THEMIS: variants seen among roughly 807,000 people sequenced by gnomAD.
THEMIS encodes the protein protein THEMIS.
THEMIS carries 37 observed loss-of-function variants against 52.6 expected under a neutral mutation model. The observed-to-expected ratio is 0.70, with a 90% CI of 0.54 to 0.93. The LOEUF is 0.93. THEMIS is among the 40% of genes least tolerant of loss of function. The pLI is 0.00. For missense variants in THEMIS, 808 were observed against 763.1 expected (o/e 1.06, Z -0.69); for synonymous variants, 292 against 272.7 (o/e 1.07, Z -0.70).
the THEMIS span, among the ~76,000 whole-genome samples, chr6:127,698,991 A>T: frequency 1.3e-5 from 2 of 151,732 alleles, no homozygotes; most frequent in African/African-American, 2.4e-5. Context: ...CAGCTGATAC[A>T]TTTTTTTTAA....
intron 1 of THEMIS, among the ~76,000 whole-genome samples, chr6:127,883,327 A>G (rs892511259): frequency 6.6e-6 from 1 of 151,844 alleles, no homozygotes; most frequent in African/African-American, 2.4e-5. Context: ...GACAAACAGG[A>G]GACCCTAAAA....
chr6:127,819,042 C>T (rs1252477325), intron 3 of THEMIS, among the ~76,000 whole-genome samples: 1 of 135,074 alleles, frequency 7.4e-6, no homozygotes. Context: ...ATTGCCTGAA[C>T]CCGGGAGGTG....
chr6:127,749,884 G>A (rs1306991804), intron 4 of THEMIS, among the ~76,000 whole-genome samples: 1 of 150,848 alleles, frequency 6.6e-6, no homozygotes, highest in Non-Finnish European at 1.5e-5. Context: ...ATAGAATATA[G>A]GAGTAGATTA....
At chr6:127,713,548 G>C (rs1774055325) in intron 5 of THEMIS, among the ~76,000 whole-genome samples, 1 of 151,828 alleles carries the variant, frequency 6.6e-6, no homozygotes, top group African/African-American at 2.4e-5. Flanking sequence ...AAATAAAAAG[G>C]ACACTGCAAA....
Position 127,855,203 on chromosome 6 carries a change from A to T in THEMIS, c.92-15T>A, listed in dbSNP as rs1429247965. On this transcript the variant is annotated splice_polypyrimidine_tract_variant and intron_variant, in intron 1 of 5. Coordinates refer to ENST00000368248, the MANE Select transcript of THEMIS (RefSeq NM_001010923.3). Reference sequence around the variant, plus strand: ...ATAAATAGAGCCTAAAAGGAAAGAAAAGTTAAAACAGCTTTTTAAAAAGAA... The same window carrying T: ...ATAAATAGAGCCTAAAAGGAAAGAATAGTTAAAACAGCTTTTTAAAAAGAA... 6.4e-7 allele frequency: 1 copy of T among 1,567,936 alleles called. No individual in the cohort carries two copies. The highest frequency in any genetic ancestry group is 1.4e-5 in the African/African-American group (1 of 72,262).
chr6:127,879,090 A>G (rs1780399485), intron 1 of THEMIS, among the ~76,000 whole-genome samples: 1 of 152,234 alleles, frequency 6.6e-6, no homozygotes, highest in African/African-American at 2.4e-5. Context: ...ATGTCAATTT[A>G]GGAAAAAAAA....
chr6:127,734,152 A>G (rs1355804155), intron 4 of THEMIS, among the ~76,000 whole-genome samples: 2 of 152,224 alleles, frequency 1.3e-5, no homozygotes, highest in Non-Finnish European at 2.9e-5. Flanking sequence ...ATTTTAAAAG[A>G]TCAACAATTG....
chr6:127,757,272 G>A (rs1775859638), intron 4 of THEMIS, among the ~76,000 whole-genome samples: 1 of 152,106 alleles, frequency 6.6e-6, no homozygotes, highest in East Asian at 1.9e-4. Context: ...ATGTATCTAA[G>A]CCTTGGGTAA....
intron 4 of THEMIS, among the ~76,000 whole-genome samples, chr6:127,728,955 T>C (rs1333193750): frequency 6.6e-6 from 1 of 152,210 alleles, no homozygotes; most frequent in Non-Finnish European, 1.5e-5. Flanking sequence ...TTTGATTACA[T>C]TTGTATCTTC....
chr6:127,730,560 T>C (rs773812892), intron 4 of THEMIS, among the ~76,000 whole-genome samples: 3 of 151,930 alleles, frequency 2.0e-5, no homozygotes, highest in Non-Finnish European at 4.4e-5. Context: ...TGAGATAATA[T>C]ATTTAATCAT....
Position 127,709,937 on chromosome 6 carries a change from C to T in THEMIS, c.*48G>A. ...CAGCTAGAAGGCTAGCTTCTTTTTTCACTGCAACATTTATGTTTGCTGCCT... is the reference window on the plus strand; with the variant it reads ...CAGCTAGAAGGCTAGCTTCTTTTTTTACTGCAACATTTATGTTTGCTGCCT... On this transcript the variant is annotated 3_prime_UTR_variant, in exon 6 of 6. Transcript: ENST00000368248. The T allele has an allele frequency of 6.5e-7, 1 of 1,548,312 alleles. No individual in the cohort carries two copies. The highest frequency in any genetic ancestry group is 8.8e-7 in the Non-Finnish European group (1 of 1,142,676).
intron 4 of THEMIS, among the ~76,000 whole-genome samples, chr6:127,724,894 A>T (rs1042702786): frequency 6.6e-6 from 1 of 152,078 alleles, no homozygotes; most frequent in Non-Finnish European, 1.5e-5. Flanking sequence ...TCTCATACCT[A>T]AGGCCATGCC....
intron 4 of THEMIS, among the ~76,000 whole-genome samples, chr6:127,808,941 A>C (rs1777810538): frequency 6.6e-6 from 1 of 152,204 alleles, no homozygotes; most frequent in South Asian, 2.1e-4. Context: ...CTATAGGTTA[A>C]TTTGGCTAAT....
intron 4 of THEMIS, among the ~76,000 whole-genome samples, chr6:127,731,460 A>T (rs2114525125): frequency 6.6e-6 from 1 of 152,240 alleles, no homozygotes; most frequent in East Asian, 1.9e-4. Flanking sequence ...CATACAAACT[A>T]TAATAACAGC....
chr6:127,781,488 T>C (rs1470251945), intron 4 of THEMIS, among the ~76,000 whole-genome samples: 1 of 152,192 alleles, frequency 6.6e-6, no homozygotes, highest in East Asian at 1.9e-4. Context: ...TTTGGAATTT[T>C]CAGCCTTTTT....
intron 1 of THEMIS, among the ~76,000 whole-genome samples, chr6:127,857,062 G>T (rs1382170698): frequency 8.1e-6 from 1 of 122,942 alleles, no homozygotes; most frequent in African/African-American, 2.7e-5. Context: ...CATTCATTCA[G>T]CAAACTTTGA....
At chr6:127,851,409 C>T (rs558463946) in intron 2 of THEMIS, among the ~76,000 whole-genome samples, 18 of 151,540 alleles carry the variant, frequency 1.2e-4, no homozygotes, top group South Asian at 4.2e-4. Flanking sequence ...AGACAGGCCA[C>T]GGAATGGGAG....
At chr6:127,903,047 G>C (rs1781184263), upstream of THEMIS, among the ~76,000 whole-genome samples, 2 of 151,916 alleles carry the variant, frequency 1.3e-5, no homozygotes, top group Non-Finnish European at 2.9e-5. Flanking sequence ...AATCATCTTC[G>C]TATTCTCAGT....
intron 2 of THEMIS, among the ~76,000 whole-genome samples, chr6:127,839,627 C>T (rs550154157): frequency 3.4e-4 from 52 of 152,212 alleles, no homozygotes; most frequent in African/African-American, 1.2e-3. Context: ...CTAAGCCTTT[C>T]AAAGAGCTGG....
Sources: gnomAD v4.1 joint callset for allele counts (sites outside exome capture counted in the v4.1 genomes callset) on GRCh38, gnomAD v4.1.1 for gene constraint, MANE v1.5 for transcripts, NCBI Gene and HGNC (gene_info 2026-07-23, HGNC 2026-07-21) for gene names.